CSMD1: variants seen among roughly 807,000 people sequenced by gnomAD.
CSMD1 encodes the protein CUB and sushi domain-containing protein 1.
CSMD1 carries 213 observed loss-of-function variants against 417.5 expected under a neutral mutation model. The ratio of observed to expected loss-of-function variants is 0.51; its 90% CI spans 0.46 to 0.57. CSMD1 has a LOEUF of 0.57. CSMD1 is among the 20% of genes least tolerant of loss of function. The pLI is 0.00. For missense variants in CSMD1, 6,923 were observed against 4,529.7 expected (o/e 1.53, Z -15.17); for synonymous variants, 2,862 against 1,736.8 (o/e 1.65, Z -16.11).
chr8:4,704,038 C>T (rs1010444495), intron 1 of CSMD1, among the ~76,000 whole-genome samples: 1 of 152,182 alleles, frequency 6.6e-6, no homozygotes, highest in Non-Finnish European at 1.5e-5. Flanking sequence ...GGATCTCAGG[C>T]AGTAATGCTG....
At chr8:4,135,937 C>A (rs1431323916) in intron 3 of CSMD1, among the ~76,000 whole-genome samples, 2 of 152,080 alleles carry the variant, frequency 1.3e-5, no homozygotes, top group Non-Finnish European at 2.9e-5. Flanking sequence ...CTGGATTGGG[C>A]TTTCTAAACT....
chr8:3,735,631 T>A (rs939773585), intron 6 of CSMD1, among the ~76,000 whole-genome samples: 5 of 152,134 alleles, frequency 3.3e-5, no homozygotes, highest in Non-Finnish European at 7.3e-5. Flanking sequence ...TAAGTCTGAA[T>A]CTCTTGGTGC....
intron 51 of CSMD1, 23 bp downstream of exon 51, chr8:3,029,295 AG>A: frequency 6.4e-7 from 1 of 1,551,100 alleles, no homozygotes; most frequent in Admixed American, 1.8e-5. Context: ...CGTGACTTTC[AG>A]GGGTGCCTCC....
At chr8:3,647,824 T>G (rs1220060460) in intron 7 of CSMD1, among the ~76,000 whole-genome samples, 1 of 152,220 alleles carries the variant, frequency 6.6e-6, no homozygotes, top group Non-Finnish European at 1.5e-5. Context: ...ATGTATAATG[T>G]TGGTGAATCT....
chr8:4,042,240 G>A (rs753803823), intron 3 of CSMD1, among the ~76,000 whole-genome samples: 1 of 152,114 alleles, frequency 6.6e-6, no homozygotes, highest in Admixed American at 6.6e-5. Context: ...TCAAAATCAA[G>A]GTGCCTAAAT....
rs185431813 is a variant in CSMD1 at position 3,847,328 on chromosome 8, C to A, written c.819-93286G>T. Among the ~76,000 whole-genome samples, 4 of 152,116 alleles carry A rather than the reference C, an allele frequency of 2.6e-5. No homozygotes were observed. The East Asian group carries it at 5.8e-4, about 22-fold the overall frequency. ...GAGAACCTGACCTACTTAGAGGAAC[C>A]CTTAAAAGTGTTCCAAGTCAGAGAA... On this transcript the variant is annotated intron_variant, in intron 5 of 69. Transcript: ENST00000635120.
At chr8:3,417,621 C>G (rs1184115274) in intron 12 of CSMD1, among the ~76,000 whole-genome samples, 1 of 152,092 alleles carries the variant, frequency 6.6e-6, no homozygotes, top group Non-Finnish European at 1.5e-5. Context: ...ATTAAAATGG[C>G]CCAGAAATCA....
intron 5 of CSMD1, among the ~76,000 whole-genome samples, chr8:3,919,351 A>G (rs1809060970): frequency 6.6e-6 from 1 of 152,072 alleles, no homozygotes; most frequent in African/African-American, 2.4e-5. Context: ...ATTCCTCTGC[A>G]CGACATACTC....
chr8:2,953,964 G>A (rs976784977), intron 65 of CSMD1, among the ~76,000 whole-genome samples: 2 of 152,232 alleles, frequency 1.3e-5, no homozygotes, highest in African/African-American at 4.8e-5. Context: ...ACCAAATGCC[G>A]AAGGCAAGTT....
chr8:4,164,137 G>T (rs4291286), intron 3 of CSMD1, among the ~76,000 whole-genome samples: 58,953 of 151,436 alleles, frequency 0.39, 11,671 homozygotes, highest in Middle Eastern at 0.51. Flanking sequence ...ACCTGATAGT[G>T]TTCTCTTAAA....
intron 26 of CSMD1, among the ~76,000 whole-genome samples, chr8:3,250,662 T>A (rs1800192814): frequency 6.6e-6 from 1 of 152,372 alleles, no homozygotes; most frequent in Middle Eastern, 3.4e-3. Context: ...TGAACTAGTT[T>A]ATGGTCCCAC....
At chr8:2,965,143 C>T (rs1000986761) in intron 59 of CSMD1, among the ~76,000 whole-genome samples, 7 of 152,190 alleles carry the variant, frequency 4.6e-5, no homozygotes, top group African/African-American at 1.7e-4. Context: ...CCTTGCACAG[C>T]CGCCACTCAG....
rs1327244006 is a variant in CSMD1, at chr8:4,948,534, G to C, written c.85+45798C>G. On this transcript the variant is annotated intron_variant, in intron 1 of 69. Coordinates refer to ENST00000635120, the MANE Select transcript of CSMD1 (RefSeq NM_033225.6). ...AAAGTTTCATAATCTTGTGAATACT[G>C]GTTTTGTAAATCTGCTAGAAAATTT... Among the ~76,000 whole-genome samples the C allele has an allele frequency of 3.9e-5, 6 of 151,956 alleles. No individual in the cohort carries two copies. The South Asian group carries it at 1.2e-3, about 32-fold the overall frequency.
intron 47 of CSMD1, among the ~76,000 whole-genome samples, chr8:3,096,088 G>A (rs546231833): frequency 1.3e-5 from 2 of 152,144 alleles, no homozygotes; most frequent in Admixed American, 1.3e-4. Flanking sequence ...AATATCTTGT[G>A]AATTGATATT....
chr8:4,420,631 T>C (rs572764621), intron 2 of CSMD1, among the ~76,000 whole-genome samples: 1 of 152,254 alleles, frequency 6.6e-6, no homozygotes, highest in South Asian at 2.1e-4. Flanking sequence ...ACTGAGTTGG[T>C]CGTGAAACAA....
At chr8:4,199,114 C>T (rs1424020676) in intron 3 of CSMD1, among the ~76,000 whole-genome samples, 1 of 152,162 alleles carries the variant, frequency 6.6e-6, no homozygotes, top group African/African-American at 2.4e-5. Flanking sequence ...CTTCTGCTGT[C>T]CGTAAAGTTC....
intron 1 of CSMD1, among the ~76,000 whole-genome samples, chr8:4,840,105 CT>C (rs1470349132): frequency 3.1e-4 from 9 of 28,958 alleles, no homozygotes; most frequent in Admixed American, 1.4e-3. Context: ...TGTCCACTCA[CT>C]TAGACTCCAC....
intron 8 of CSMD1, among the ~76,000 whole-genome samples, chr8:3,589,383 T>C (rs1018856752): frequency 7.1e-6 from 1 of 141,638 alleles, no homozygotes; most frequent in South Asian, 2.1e-4. Context: ...AAATGTGGTG[T>C]GTGTGTGTGT....
intron 2 of CSMD1, among the ~76,000 whole-genome samples, chr8:4,610,315 T>C (rs1457239030): frequency 1.3e-5 from 2 of 152,214 alleles, no homozygotes; most frequent in Non-Finnish European, 1.5e-5. Flanking sequence ...CCTCTAGTAT[T>C]AAATTCAACA....
Sources: gnomAD v4.1 joint callset for allele counts (sites outside exome capture counted in the v4.1 genomes callset) on GRCh38, gnomAD v4.1.1 for gene constraint, MANE v1.5 for transcripts, NCBI Gene and HGNC (gene_info 2026-07-23, HGNC 2026-07-21) for gene names.